PKIG: variants seen among roughly 807,000 people sequenced by gnomAD.
PKIG encodes the protein protein kinase (cAMP-dependent, catalytic) inhibitor gamma.
PKIG carries 1 observed loss-of-function variant against 6.8 expected under a neutral mutation model. The observed-to-expected ratio is 0.15, with a 90% CI of 0.05 to 0.69. The LOEUF (loss-of-function observed/expected upper bound fraction) is 0.69. Ranked by LOEUF, PKIG falls within the 30% of genes least tolerant of loss-of-function variation. PKIG has a pLI of 0.82. For missense variants in PKIG, 77 were observed against 104.0 expected (o/e 0.74, Z 1.13); for synonymous variants, 39 against 43.0 (o/e 0.91, Z 0.36).
chr20:44,614,685 C>A lies in PKIG; in HGVS notation c.129C>A (p.Gly43=). The A allele has an allele frequency of 6.2e-7, 1 of 1,613,834 alleles. No homozygotes were observed. Among genetic ancestry groups the A allele is most frequent in the Non-Finnish European group, 8.5e-7 (1 of 1,180,010 alleles). Residue 43 remains glycine, a synonymous_variant, in exon 3 of 4, where the codon GGC becomes GGA. Coordinates refer to ENST00000372886, the MANE Select transcript of PKIG (RefSeq NM_001281445.2). This position sits in a 1 kb window ranked among gnomAD's most constrained non-coding sequence, Gnocchi z 4.6. Reference sequence around the variant, plus strand: ...TGAGGAAGCTGGCTGGAGACATGGGCGAGCTGGCACTCGAGGGGGCAGGTT... The same window carrying A: ...TGAGGAAGCTGGCTGGAGACATGGGAGAGCTGGCACTCGAGGGGGCAGGTT... The part of the protein sequence containing the change: ...VSVRKLAGDM[G]ELALEGAEGQ...
chr20:44,611,408 T>G (rs1358941745), intron 2 of PKIG, among the ~76,000 whole-genome samples: 1 of 152,162 alleles, frequency 6.6e-6, no homozygotes, highest in East Asian at 1.9e-4. Context: ...AGGAACTTAC[T>G]GCTCCTATCT....
intron 1 of PKIG, among the ~76,000 whole-genome samples, chr20:44,589,133 G>A (rs374833737): frequency 3.0e-4 from 46 of 151,828 alleles, no homozygotes; most frequent in African/African-American, 9.4e-4. Context: ...AAATGTGCAC[G>A]TACACAAATG....
chr20:44,616,550 T>C (rs244082), intron 3 of PKIG, among the ~76,000 whole-genome samples: 35,234 of 152,072 alleles, frequency 0.23, 5,136 homozygotes, highest in African/African-American at 0.41. Context: ...GTGCCCAGGC[T>C]CTCCTAACAC....
intron 1 of PKIG, among the ~76,000 whole-genome samples, chr20:44,576,119 A>G (rs2064895117): frequency 6.6e-6 from 1 of 151,770 alleles, no homozygotes; most frequent in African/African-American, 2.4e-5. Context: ...CTTTTTACAA[A>G]AAGTATGTTA....
chr20:44,569,145 G>A (rs550240003), intron 1 of PKIG, among the ~76,000 whole-genome samples: 125 of 152,240 alleles, frequency 8.2e-4, no homozygotes, highest in Non-Finnish European at 1.5e-3. Context: ...TGCCCTTTAG[G>A]AATGTTGTAC....
intron 1 of PKIG, among the ~76,000 whole-genome samples, chr20:44,566,155 C>T (rs973477041): frequency 6.6e-6 from 1 of 152,224 alleles, no homozygotes. Flanking sequence ...CTATGGCCTG[C>T]AGGCAAAATC....
intron 3 of PKIG, among the ~76,000 whole-genome samples, chr20:44,615,092 C>T (rs1433271928): frequency 6.6e-6 from 1 of 152,164 alleles, no homozygotes; most frequent in Admixed American, 6.5e-5. Context: ...TATGCAGCAG[C>T]CAGCAGACCC....
intron 2 of PKIG, among the ~76,000 whole-genome samples, chr20:44,607,978 G>A (rs749949829): frequency 1.4e-4 from 22 of 151,774 alleles, no homozygotes; most frequent in Non-Finnish European, 2.8e-4. Flanking sequence ...TTACAGGCAT[G>A]AGCCACCATG....
rs1465122050 is a variant in PKIG, at chr20:44,606,068, AAAAT to A, written c.-23-8462_-23-8459del. Among the ~76,000 whole-genome samples the A allele has an allele frequency of 3.3e-5, 5 of 152,260 alleles. 1 individual carries two copies. The highest frequency in any genetic ancestry group is 5.9e-5 in the Non-Finnish European group (4 of 68,044). Reference sequence around the variant, plus strand: ...ATATGTATGTGGGGAGAAGTGCCGAAAAATAAAGTCAAAGTACAAATGACAAGTA... The same window carrying A: ...ATATGTATGTGGGGAGAAGTGCCGAAAAAGTCAAAGTACAAATGACAAGTA... On this transcript the variant is annotated intron_variant, in intron 2 of 3. Coordinates refer to ENST00000372886, the MANE Select transcript of PKIG (RefSeq NM_001281445.2).
At chr20:44,575,499 ACAAT>A (rs2064889481) in intron 1 of PKIG, among the ~76,000 whole-genome samples, 1 of 152,190 alleles carries the variant, frequency 6.6e-6, no homozygotes, top group African/African-American at 2.4e-5. Flanking sequence ...TTGGCCATTC[ACAAT>A]CAATAATAAA....
chr20:44,543,017 T>C (rs1410545505), intron 1 of PKIG, among the ~76,000 whole-genome samples: 1 of 152,238 alleles, frequency 6.6e-6, no homozygotes. Context: ...TGTGCTTTTA[T>C]GTATTCATAA....
chr20:44,543,559 T>C (rs763271213), intron 1 of PKIG, among the ~76,000 whole-genome samples: 6 of 152,144 alleles, frequency 3.9e-5, no homozygotes, highest in Non-Finnish European at 7.3e-5. Flanking sequence ...CTGCAACGTG[T>C]ATATGTTTTG....
intron 1 of PKIG, among the ~76,000 whole-genome samples, chr20:44,556,302 C>G (rs2064712453): frequency 6.6e-6 from 1 of 152,164 alleles, no homozygotes; most frequent in Admixed American, 6.5e-5. Flanking sequence ...TATGTTACAA[C>G]CAAAACTTAA....
Position 44,589,882 on chromosome 20 carries a change from G to A in PKIG, c.-24+16G>A, listed in dbSNP as rs1370268522. On this transcript the variant is annotated intron_variant, in intron 2 of 3. Transcript: ENST00000372886. The stretch of plus-strand genomic sequence containing the variant: ...ATTAAACCAGGTAGGTAGTGGCACT[G>A]TTCATACTCTACTGCCAGAGCAGCA... The A allele has an allele frequency of 2.0e-5, 3 of 152,348 alleles. No individual in the cohort carries two copies. Among genetic ancestry groups the A allele is most frequent in the Non-Finnish European group, 4.4e-5 (3 of 68,032 alleles). 9.4% of individuals were successfully genotyped at this position (152,348 alleles called of 1,614,324 possible). A position where few individuals can be genotyped will look rare whatever the true frequency, so the allele number is the denominator to read the frequency against.
intron 2 of PKIG, among the ~76,000 whole-genome samples, chr20:44,590,564 C>T (rs910922122): frequency 2.0e-5 from 3 of 152,220 alleles, no homozygotes; most frequent in Admixed American, 6.5e-5. Flanking sequence ...TATTTATCAA[C>T]AAATCTGGTG....
At chr20:44,587,390 C>G (rs994986534) in intron 1 of PKIG, among the ~76,000 whole-genome samples, 8 of 152,172 alleles carry the variant, frequency 5.3e-5, no homozygotes, top group African/African-American at 1.9e-4. Context: ...AGAGCTGCCC[C>G]TGCTGAAGCA....
chr20:44,604,337 A>T (rs2065146236), intron 2 of PKIG, among the ~76,000 whole-genome samples: 1 of 152,206 alleles, frequency 6.6e-6, no homozygotes, highest in Non-Finnish European at 1.5e-5. Flanking sequence ...GTCCTGGAGG[A>T]GGGAGAGCAT....
chr20:44,548,081 G>A (rs2064632656), intron 1 of PKIG, among the ~76,000 whole-genome samples: 1 of 151,998 alleles, frequency 6.6e-6, no homozygotes, highest in Admixed American at 6.6e-5. Flanking sequence ...CAGGATGCTG[G>A]GGCAGGAGAA....
chr20:44,581,206 A>G (rs2064945254), upstream of PKIG, among the ~76,000 whole-genome samples: 1 of 152,200 alleles, frequency 6.6e-6, no homozygotes, highest in Non-Finnish European at 1.5e-5. Context: ...TTATCCAGGA[A>G]GGAGAGATTA....
Sources: gnomAD v4.1 joint callset for allele counts (sites outside exome capture counted in the v4.1 genomes callset) on GRCh38, gnomAD v4.1.1 for gene constraint, Gnocchi (gnomAD v3.1) non-coding constraint, MANE v1.5 for transcripts, NCBI Gene and HGNC (gene_info 2026-07-23, HGNC 2026-07-21) for gene names.